MZF1: variants seen among roughly 807,000 people sequenced by gnomAD.
The protein encoded by MZF1 is zinc finger and SCAN domain-containing protein 6.
In MZF1, 24 loss-of-function variants were observed where a neutral mutation model predicts 28.6. The ratio of observed to expected loss-of-function variants is 0.84; its 90% CI spans 0.61 to 1.18. MZF1 has a LOEUF of 1.18. MZF1 is among the 50% of genes most tolerant of loss of function. The pLI, the probability that MZF1 is intolerant of heterozygous loss-of-function variation, is 0.00. For missense variants in MZF1, 1,166 were observed against 1,026.4 expected, an observed-to-expected ratio of 1.14 and a Z score of -1.86; for synonymous variants, 516 against 432.5, an observed-to-expected ratio of 1.19 and a Z score of -2.40.
chr19:58,570,305 C>T, intron 3 of MZF1, 39 bp downstream of exon 3: 1 of 1,553,786 alleles, frequency 6.4e-7, no homozygotes. Flanking sequence ...CTGGCCCACC[C>T]AACCAGACCT....
intron 3 of MZF1, chr19:58,569,964 C>A (rs540170938): frequency 6.6e-6 from 2 of 303,170 alleles, no homozygotes; most frequent in Admixed American, 9.4e-5. Context: ...CCTAACACTA[C>A]GAGGTCCTCC....
At position 58,564,932 on chromosome 19, in the gene MZF1, T is replaced by G. The variant is rs983827716; in HGVS notation, c.773-1428A>C. Among the ~76,000 whole-genome samples the G allele has an allele frequency of 1.4e-3, 189 of 132,020 alleles. 3 individuals carry two copies. Among genetic ancestry groups the G allele is most frequent in the African/African-American group, 5.8e-3 (180 of 31,148 alleles). 86.6% of individuals were successfully genotyped at this position (132,020 alleles called of 152,430 possible). A position where few individuals can be genotyped will look rare whatever the true frequency, so the allele number is the denominator to read the frequency against. On this transcript the variant is annotated intron_variant, in intron 5 of 5. Transcript: ENST00000215057. Reference sequence around the variant, plus strand: ...TTTTTTTTTTTTTTTTTTTTTTTTTTTTTTTTGAGACTGAGTCTTGCTGTG... The same window carrying G: ...TTTTTTTTTTTTTTTTTTTTTTTTTGTTTTTTGAGACTGAGTCTTGCTGTG...
intron 1 of MZF1, chr19:58,572,421 G>A: frequency 3.4e-6 from 2 of 594,312 alleles, no homozygotes; most frequent in African/African-American, 1.9e-5. Flanking sequence ...GCAATGGGTG[G>A]GGGGGCGGCA....
At chr19:58,563,570 C>G in intron 5 of MZF1, 66 bp from the exon 6 acceptor site, 2 of 1,344,598 alleles carry the variant, frequency 1.5e-6, no homozygotes, top group South Asian at 1.5e-5. Flanking sequence ...CACTTCATCC[C>G]TGGGGACACA....
intron 5 of MZF1, among the ~76,000 whole-genome samples, chr19:58,567,873 TG>T (rs2054087251): frequency 6.6e-6 from 1 of 151,838 alleles, no homozygotes; most frequent in Non-Finnish European, 1.5e-5. Flanking sequence ...ACATTGTAAA[TG>T]AAAGAACAAC....
chr19:58,572,846 C>A, intron 1 of MZF1: 1 of 313,836 alleles, frequency 3.2e-6, no homozygotes, highest in Non-Finnish European at 6.5e-6. Flanking sequence ...GACGCCTAGG[C>A]AACCGGGGGC....
chr19:58,564,603 CCTATGTAT>C (rs1297067165), intron 5 of MZF1: 2 of 152,234 alleles, frequency 1.3e-5, no homozygotes, highest in African/African-American at 4.8e-5. Context: ...CCCAAGTGTT[CCTATGTAT>C]TGCTGGTAAG....
chr19:58,570,780 T>TGTCCCCTAGCCTGCA (rs1262817214), intron 2 of MZF1: 1 of 652,470 alleles, frequency 1.5e-6, no homozygotes, highest in Non-Finnish European at 2.6e-6. Flanking sequence ...GCAGCTCCTA[T>TGTCCCCTAGCCTGCA]GTCCACGTGA....
intron 5 of MZF1, chr19:58,564,208 G>C (rs1304640446): frequency 2.0e-5 from 3 of 152,220 alleles, no homozygotes; most frequent in African/African-American, 7.2e-5. Flanking sequence ...GACTGAGAGA[G>C]CAGTGAGGGC....
chr19:58,570,849 C>T (rs1381488768), intron 2 of MZF1, 145 bp downstream of exon 2: 6 of 877,924 alleles, frequency 6.8e-6, no homozygotes, highest in Non-Finnish European at 8.6e-6. Flanking sequence ...CTGCCCTGGG[C>T]AGCCTTGCAC....
intron 1 of MZF1, chr19:58,572,683 G>T: frequency 8.2e-7 from 1 of 1,225,484 alleles, no homozygotes. Flanking sequence ...TGGGGGCCAA[G>T]CCTCCACTCT....
In MZF1 at chr19:58,562,870, G is replaced by A; in HGVS notation, c.1407C>T (p.Gly469=). The change falls in exon 6 of 6, where the codon GGC becomes GGT. Residue 469 remains glycine (G), a synonymous_variant. Transcript: ENST00000215057. ...QRIHGDPPGP[G]AKPPAPPGAP... ...CACCAGGAGGGGCCGGGGGCTTAGC[G>A]CCAGGGCCCGGGGGATCGCCGTGGA... 1.3e-6 allele frequency: 2 copies of A among 1,551,202 alleles called. No homozygotes were observed.
rs758062386 is a variant in MZF1 at position 58,571,254 on chromosome 19, G to A, written c.136C>T (p.Arg46Cys). 14 of 1,612,952 alleles carry A rather than the reference G, an allele frequency of 8.7e-6. No individual in the cohort carries two copies. The highest frequency in any genetic ancestry group is 4.5e-5 in the East Asian group (2 of 44,856). Reference protein sequence around the residue: ...WDPGPEAARLRFRCFRYEEAT... With the variant: ...WDPGPEAARLCFRCFRYEEAT... ...TCCTCATAGCGGAAGCACCGGAAAC[G>A]CAGGCGTGCAGCTTCAGGGCCTGGG... The change falls in exon 2 of 6, where the codon CGT becomes TGT. Residue 46 changes from arginine to cysteine, a missense_variant. Coordinates refer to ENST00000215057, the MANE Select transcript of MZF1 (RefSeq NM_198055.2).
rs375304393 is a variant in MZF1 at position 58,570,426 on chromosome 19, C to G, written c.498G>C (p.Gly166=). 4 of 1,613,926 alleles carry G rather than the reference C, an allele frequency of 2.5e-6. No individual in the cohort carries two copies. In the African/African-American group the frequency reaches 5.3e-5, roughly 22 times the overall value. ...GCATAGTCCTAGGAGGTGTCTTGGG[C>G]CCAGGCTCTGGAGTTGGAGGCTCAG... ...PETEPPTPEP[G]PKTPPRTMQE... is the part of the protein sequence containing the mutation. Residue 166 remains glycine, a synonymous_variant, in exon 3 of 6, where the codon GGG becomes GGC. Coordinates refer to ENST00000215057, the MANE Select transcript of MZF1 (RefSeq NM_198055.2).
At chr19:58,567,411 G>A (rs955678063) in intron 5 of MZF1, among the ~76,000 whole-genome samples, 17 of 152,316 alleles carry the variant, frequency 1.1e-4, no homozygotes, top group Middle Eastern at 3.4e-3. Context: ...CTCCCATCCT[G>A]GCAGAAGGCT....
In MZF1 at chr19:58,562,109, T is replaced by C. The variant is rs1188742035; in HGVS notation, c.2168A>G (p.Lys723Arg). 1.3e-6 allele frequency: 2 copies of C among 1,586,122 alleles called. No individual in the cohort carries two copies. Among genetic ancestry groups the C allele is most frequent in the Non-Finnish European group, 1.7e-6 (2 of 1,167,836 alleles). ...GTGGACGCGCTGGTGCTGAATGAGC[T>C]TGGTGCTCTGGTGGAAGCGGCGGCC... Reference protein sequence around the residue: ...DCGRRFHQSTKLIQHQRVHSA... With the variant: ...DCGRRFHQSTRLIQHQRVHSA... Residue 723 changes from lysine to arginine, a missense_variant, in exon 6 of 6, where the codon AAG becomes AGG. By Grantham distance (26) the Lys-to-Arg change is conservative (BLOSUM62 2). Coordinates refer to ENST00000215057, the MANE Select transcript of MZF1 (RefSeq NM_198055.2).
In MZF1 at chr19:58,562,169, T is replaced by G; in HGVS notation, c.2108A>C (p.His703Pro). ...GCAGGCGAAGGGCTTCTCTCGTCGG[T>G]GGGTGCGCAGATGCTGCGTGAGCGT... ...RPTLTQHLRT[H>P]RREKPFACQD... The change falls in exon 6 of 6, where the codon CAC (histidine) becomes CCC (proline). Residue 703 changes from histidine (H) to proline (P), a missense_variant. His to Pro is a moderately conservative substitution (Grantham distance 77). Transcript: ENST00000215057. The G allele has an allele frequency of 6.3e-7, 1 of 1,598,056 alleles. No individual in the cohort carries two copies. Among genetic ancestry groups the G allele is most frequent in the Non-Finnish European group, 8.5e-7 (1 of 1,175,000 alleles).
intron 5 of MZF1, among the ~76,000 whole-genome samples, chr19:58,565,482 G>A (rs1383778282): frequency 1.3e-5 from 2 of 151,504 alleles, no homozygotes; most frequent in East Asian, 2.0e-4. Flanking sequence ...CACCCGCCTC[G>A]CCTTCCCAAA....
chr19:58,572,908 T>C (rs997384235), intron 1 of MZF1, 147 bp downstream of exon 1: 1 of 288,330 alleles, frequency 3.5e-6, no homozygotes, highest in African/African-American at 2.2e-5. Flanking sequence ...GACAAGCCTC[T>C]CGCTCTAGCC....
Sources: gnomAD v4.1 joint callset for allele counts (sites outside exome capture counted in the v4.1 genomes callset) on GRCh38, gnomAD v4.1.1 for gene constraint, MANE v1.5 for transcripts, NCBI Gene and HGNC (gene_info 2026-07-23, HGNC 2026-07-21) for gene names.